The following NSMCE1 variants were observed in gnomAD, a reference collection of about 807,000 sequenced individuals.
NSMCE1 encodes non-structural maintenance of chromosomes element 1 homolog.
NSMCE1 carries 18 observed loss-of-function variants against 29.6 expected under a neutral mutation model. That is an observed-to-expected ratio of 0.61 (90% CI 0.42 to 0.90). The LOEUF (loss-of-function observed/expected upper bound fraction) is 0.90. Ranked by LOEUF, NSMCE1 falls within the 40% of genes least tolerant of loss-of-function variation. The pLI is 0.00. For missense variants in NSMCE1, 314 were observed against 343.6 expected, an observed-to-expected ratio of 0.91 and a Z score of 0.68; for synonymous variants, 124 against 133.4, an observed-to-expected ratio of 0.93 and a Z score of 0.49.
intron 2 of NSMCE1, among the ~76,000 whole-genome samples, chr16:27,256,347 A>G (rs2141008227): frequency 6.6e-6 from 1 of 152,332 alleles, no homozygotes; most frequent in Non-Finnish European, 1.5e-5. Flanking sequence ...TTTTAATAAA[A>G]GAACATAACA....
chr16:27,258,952 G>A (rs1374469026), intron 1 of NSMCE1, among the ~76,000 whole-genome samples: 1 of 151,986 alleles, frequency 6.6e-6, no homozygotes, highest in Non-Finnish European at 1.5e-5. Flanking sequence ...GTTTCACCAT[G>A]TTGGCCAGGC....
intron 2 of NSMCE1, among the ~76,000 whole-genome samples, chr16:27,244,262 C>T (rs1450295444): frequency 6.6e-6 from 1 of 152,256 alleles, no homozygotes; most frequent in South Asian, 2.1e-4. Context: ...GGTGCCCATT[C>T]TGGGCTAAGC....
intron 2 of NSMCE1, among the ~76,000 whole-genome samples, chr16:27,253,607 G>A (rs1203244666): frequency 6.6e-6 from 1 of 152,030 alleles, no homozygotes; most frequent in African/African-American, 2.4e-5. Flanking sequence ...CACCACCCCC[G>A]AGGCCTCCTG....
In NSMCE1 at chr16:27,225,096, CAAG is replaced by C. The variant is rs755461993; in HGVS notation, c.*58_*60del. The C allele has an allele frequency of 4.5e-5, 42 of 943,594 alleles. No homozygotes were observed. Among genetic ancestry groups the C allele is most frequent in the Non-Finnish European group, 7.1e-5 (42 of 592,362 alleles). 58.5% of individuals were successfully genotyped at this position (943,594 alleles called of 1,614,324 possible). A position where few individuals can be genotyped will look rare whatever the true frequency, so the allele number is the denominator to read the frequency against. ...ACCTGAAACACGGACGCCTTTCTTC[CAAG>C]AAGGGCTGTGGCGATCAGGCCACTC... On this transcript the variant is annotated 3_prime_UTR_variant, in exon 8 of 8. Transcript: ENST00000361439.
chr16:27,227,661 C>T (rs2083712974), intron 5 of NSMCE1, among the ~76,000 whole-genome samples: 1 of 152,244 alleles, frequency 6.6e-6, no homozygotes, highest in African/African-American at 2.4e-5. Context: ...CGGATATGAA[C>T]CACACCAGGA....
At chr16:27,225,486 G>T (rs1268753944) in intron 7 of NSMCE1, among the ~76,000 whole-genome samples, 1 of 152,220 alleles carries the variant, frequency 6.6e-6, no homozygotes, top group African/African-American at 2.4e-5. Flanking sequence ...AGAGAGCCTT[G>T]TCTAGACAAA....
chr16:27,258,856 T>G (rs549791046), intron 1 of NSMCE1, among the ~76,000 whole-genome samples: 13 of 152,004 alleles, frequency 8.6e-5, no homozygotes, highest in African/African-American at 3.1e-4. Context: ...GTTCCAGTGA[T>G]TCTCCTGGCT....
At chr16:27,240,425 A>G (rs1386878078) in intron 2 of NSMCE1, among the ~76,000 whole-genome samples, 1 of 152,112 alleles carries the variant, frequency 6.6e-6, no homozygotes, top group African/African-American at 2.4e-5. Flanking sequence ...AGCATCCATC[A>G]TCCCCTCAAC....
chr16:27,267,504 A>ATT (rs1186629190), intron 1 of NSMCE1, among the ~76,000 whole-genome samples: 1 of 152,136 alleles, frequency 6.6e-6, no homozygotes, highest in East Asian at 1.9e-4. Context: ...GTTTTCAAGG[A>ATT]CACTCTCTAT....
chr16:27,237,849 G>A (rs2083842985), intron 2 of NSMCE1, among the ~76,000 whole-genome samples: 1 of 152,140 alleles, frequency 6.6e-6, no homozygotes, highest in African/African-American at 2.4e-5. Flanking sequence ...AACCATGAAT[G>A]TTTTGCTGTA....
chr16:27,262,680 C>G lies in NSMCE1; in HGVS notation c.-11-5099G>C, dbSNP rs141514041. Reference sequence around the variant, plus strand: ...GGCAATACCATCCTGGACACAGGAACGGGCAAAGATCTCACGACAAAGACA... The same window carrying G: ...GGCAATACCATCCTGGACACAGGAAGGGGCAAAGATCTCACGACAAAGACA... On this transcript the variant is annotated intron_variant, in intron 1 of 7. Transcript: ENST00000361439. Among the ~76,000 whole-genome samples, 5 of 152,214 alleles carry G rather than the reference C, an allele frequency of 3.3e-5. No individual in the cohort carries two copies. In the East Asian group the frequency reaches 7.7e-4, roughly 23 times the overall value.
chr16:27,247,708 C>T (rs984090457), intron 2 of NSMCE1, among the ~76,000 whole-genome samples: 6 of 152,132 alleles, frequency 3.9e-5, no homozygotes, highest in African/African-American at 1.2e-4. Context: ...GGGCAGATCA[C>T]GAGGTGAGGG....
chr16:27,234,346 TC>T, intron 3 of NSMCE1, 81 bp from the exon 4 acceptor site: 2 of 909,226 alleles, frequency 2.2e-6, no homozygotes, highest in South Asian at 2.7e-5. Context: ...CTCCCTCCCC[TC>T]CTCCATCTCT....
intron 1 of NSMCE1, among the ~76,000 whole-genome samples, chr16:27,260,844 G>A (rs1347397134): frequency 2.5e-5 from 3 of 119,878 alleles, no homozygotes; most frequent in Non-Finnish European, 5.1e-5. Flanking sequence ...GGGCAACAGA[G>A]TGAGACCCTG....
intron 2 of NSMCE1, among the ~76,000 whole-genome samples, chr16:27,243,265 G>A (rs751472887): frequency 1.9e-4 from 29 of 152,242 alleles, no homozygotes; most frequent in South Asian, 6.2e-4. Context: ...TCCCAATTCC[G>A]ATGTGGGCAG....
chr16:27,251,584 G>A (rs925269920), intron 2 of NSMCE1, among the ~76,000 whole-genome samples: 8 of 152,008 alleles, frequency 5.3e-5, no homozygotes, highest in African/African-American at 1.4e-4. Flanking sequence ...TTCTTTCCTC[G>A]CAATGTCTTT....
chr16:27,257,459 T>C lies in NSMCE1; in HGVS notation c.112A>G (p.Thr38Ala), dbSNP rs2084100062. ...CGGTCATGGACCTTGTAGCAGTGCG[T>C]CTGCAAGCGCTTCACGTCCCATTCC... Reference protein sequence around the residue: ...LEEWDVKRLQTHCYKVHDRNA... With the variant: ...LEEWDVKRLQAHCYKVHDRNA... Residue 38 changes from threonine (T) to alanine (A), a missense_variant, in exon 2 of 8, where the codon ACG becomes GCG. Thr to Ala is a moderately conservative substitution (Grantham distance 58, BLOSUM62 0). Coordinates refer to ENST00000361439, the MANE Select transcript of NSMCE1 (RefSeq NM_145080.4). 1 of 1,613,426 alleles carries C rather than the reference T, an allele frequency of 6.2e-7. No homozygotes were observed. Among genetic ancestry groups the C allele is most frequent in the Non-Finnish European group, 8.5e-7 (1 of 1,179,696 alleles).
chr16:27,265,290 C>A (rs540555644), intron 1 of NSMCE1, among the ~76,000 whole-genome samples: 129 of 150,250 alleles, frequency 8.6e-4, no homozygotes, highest in African/African-American at 3.0e-3. Flanking sequence ...ACCTCAGAAC[C>A]CCCTAGCAGC....
chr16:27,251,207 TA>T (rs58691360), intron 2 of NSMCE1, among the ~76,000 whole-genome samples: 2 of 70,768 alleles, frequency 2.8e-5, no homozygotes, highest in South Asian at 5.5e-4. Context: ...TATATATATA[TA>T]AAACTCTGTA....
Sources: gnomAD v4.1 joint callset for allele counts (sites outside exome capture counted in the v4.1 genomes callset) on GRCh38, gnomAD v4.1.1 for gene constraint, MANE v1.5 for transcripts, NCBI Gene and HGNC (gene_info 2026-07-23, HGNC 2026-07-21) for gene names.